The following STPG2 variants were observed in gnomAD, a reference collection of about 807,000 sequenced individuals.
STPG2 encodes the protein sperm tail PG-rich repeat containing 2.
STPG2 carries 56 observed loss-of-function variants against 54.2 expected under a neutral mutation model. The ratio of observed to expected loss-of-function variants is 1.03; its 90% CI spans 0.83 to 1.29. The LOEUF (loss-of-function observed/expected upper bound fraction) is 1.29, where lower values mean the gene tolerates loss of function less well. STPG2 is among the 50% of genes most tolerant of loss of function. The pLI, the probability that STPG2 is intolerant of heterozygous loss-of-function variation, is 0.00. For synonymous variants in STPG2, 200 were observed against 181.8 expected (o/e 1.10, Z -0.81); for missense variants, 596 against 544.9 (o/e 1.09, Z -0.93).
chr4:97,814,395 C>A (rs1158938394), intron 9 of STPG2, among the ~76,000 whole-genome samples: 1 of 152,094 alleles, frequency 6.6e-6, no homozygotes, highest in Admixed American at 6.6e-5. Context: ...GTGGTGCAAT[C>A]TCGGCTCACT....
chr4:97,717,775 G>A (rs1386325857), intron 9 of STPG2, among the ~76,000 whole-genome samples: 1 of 152,080 alleles, frequency 6.6e-6, no homozygotes, highest in East Asian at 1.9e-4. Context: ...CTGGAAGGAA[G>A]GATAATCACC....
chr4:97,547,273 C>T (rs566888974), intron 4 of STPG2, among the ~76,000 whole-genome samples: 1 of 151,570 alleles, frequency 6.6e-6, no homozygotes, highest in East Asian at 2.0e-4. Context: ...TGCCATGGCA[C>T]GATCTCGGCT....
In STPG2 at chr4:97,771,606, G is replaced by C. The variant is rs191559702; in HGVS notation, c.1205-58792C>G. On this transcript the variant is annotated intron_variant, in intron 9 of 10. Transcript: ENST00000295268. The stretch of plus-strand genomic sequence containing the variant: ...AGCATGTAGAAGGAATGGGGTTTCC[G>C]ATGCAGGAGAGGGCTTGGAGCCCAC... Among the ~76,000 whole-genome samples, 650 of 152,296 alleles carry C rather than the reference G, an allele frequency of 4.3e-3. 3 individuals are homozygous for C. The highest frequency in any genetic ancestry group is 0.024 in the South Asian group (116 of 4,828).
chr4:97,740,852 GA>G (rs1315965121), intron 9 of STPG2, among the ~76,000 whole-genome samples: 7 of 151,918 alleles, frequency 4.6e-5, no homozygotes, highest in East Asian at 1.9e-4. Flanking sequence ...CACAGAATTG[GA>G]AAAAAACTAC....
At chr4:97,827,204 CAGAGTTA>C (rs2149109003) in intron 9 of STPG2, among the ~76,000 whole-genome samples, 1 of 149,120 alleles carries the variant, frequency 6.7e-6, no homozygotes, top group Admixed American at 6.7e-5. Context: ...TTTTGTTTTT[CAGAGTTA>C]AGGAAACTTT....
At chr4:97,852,967 C>CTTTT (rs574886386) in intron 8 of STPG2, among the ~76,000 whole-genome samples, 12 of 69,648 alleles carry the variant, frequency 1.7e-4, no homozygotes, top group African/African-American at 2.5e-4. Flanking sequence ...AACATATTTT[C>CTTTT]TTTTTTTTTT....
chr4:97,504,516 C>T (rs751177483), intron 4 of STPG2, among the ~76,000 whole-genome samples: 64 of 151,802 alleles, frequency 4.2e-4, no homozygotes, highest in Non-Finnish European at 5.9e-5. Context: ...AGAAAAGTAA[C>T]ATCTCTTGTA....
At chr4:97,504,982 A>C (rs1730814074) in intron 4 of STPG2, among the ~76,000 whole-genome samples, 1 of 152,120 alleles carries the variant, frequency 6.6e-6, no homozygotes, top group South Asian at 2.1e-4. Flanking sequence ...AGAACCAAAA[A>C]GTAGAAATCT....
chr4:97,883,170 T>TAC (rs1028913323), intron 8 of STPG2, among the ~76,000 whole-genome samples: 1 of 150,880 alleles, frequency 6.6e-6, no homozygotes, highest in African/African-American at 2.4e-5. Flanking sequence ...TATATATATA[T>TAC]ACACATATAT....
chr4:97,891,484 G>T (rs1459625857), intron 8 of STPG2, among the ~76,000 whole-genome samples: 1 of 151,616 alleles, frequency 6.6e-6, no homozygotes, highest in Non-Finnish European at 1.5e-5. Context: ...ACCAAAGCAG[G>T]TAACTAAAAA....
intron 9 of STPG2, among the ~76,000 whole-genome samples, chr4:97,735,604 T>C (rs1055701125): frequency 1.4e-5 from 2 of 147,156 alleles, no homozygotes; most frequent in South Asian, 2.1e-4. Context: ...TATATTTATA[T>C]TTATACATTT....
intron 4 of STPG2, among the ~76,000 whole-genome samples, chr4:97,549,530 T>C (rs2148866692): frequency 6.6e-6 from 1 of 152,284 alleles, no homozygotes; most frequent in South Asian, 2.1e-4. Context: ...AACTATGGCT[T>C]CCCAAAAGAT....
intron 5 of STPG2, among the ~76,000 whole-genome samples, chr4:98,022,675 C>A (rs1187112690): frequency 6.6e-6 from 1 of 152,140 alleles, no homozygotes; most frequent in Non-Finnish European, 1.5e-5. Context: ...TAGATTTGGT[C>A]TTTTCACATA....
At chr4:97,644,417 G>C (rs896155635) in intron 10 of STPG2, among the ~76,000 whole-genome samples, 4 of 151,894 alleles carry the variant, frequency 2.6e-5, no homozygotes, top group Non-Finnish European at 4.4e-5. Context: ...TTAGTCCCCA[G>C]CCAAACAAAT....
intron 4 of STPG2, among the ~76,000 whole-genome samples, chr4:97,544,089 T>C (rs1174784021): frequency 6.6e-6 from 1 of 152,110 alleles, no homozygotes; most frequent in Non-Finnish European, 1.5e-5. Flanking sequence ...GTAAAATAGC[T>C]TCCTAACAAA....
At chr4:97,939,136 G>C (rs1391806037) in intron 8 of STPG2, among the ~76,000 whole-genome samples, 1 of 151,970 alleles carries the variant, frequency 6.6e-6, no homozygotes. Context: ...TTTTTTTATA[G>C]TCTTGACATC....
At chr4:97,905,909 A>G (rs1442638886) in intron 8 of STPG2, among the ~76,000 whole-genome samples, 2 of 152,206 alleles carry the variant, frequency 1.3e-5, no homozygotes, top group African/African-American at 4.8e-5. Context: ...CCACAAGAGA[A>G]AGCAGGAAAG....
At chr4:97,491,597 G>C (rs979888351) in intron 4 of STPG2, among the ~76,000 whole-genome samples, 1 of 151,506 alleles carries the variant, frequency 6.6e-6, no homozygotes, top group South Asian at 2.1e-4. Flanking sequence ...ATATGAAGAA[G>C]GGATAGGAGA....
At chr4:97,755,204 A>T (rs1325785998) in intron 9 of STPG2, among the ~76,000 whole-genome samples, 2 of 152,156 alleles carry the variant, frequency 1.3e-5, no homozygotes, top group Non-Finnish European at 2.9e-5. Flanking sequence ...GTCAGATATA[A>T]AATATTTCAA....
Sources: allele counts gnomAD v4.1 joint callset (sites outside exome capture counted in the v4.1 genomes callset), GRCh38; gene constraint gnomAD v4.1.1; transcripts MANE v1.5; gene names NCBI Gene and HGNC (gene_info 2026-07-23, HGNC 2026-07-21).